RALGAPA2: variants seen among roughly 807,000 people sequenced by gnomAD.
RALGAPA2 encodes ral GTPase-activating protein subunit alpha-2.
A neutral mutation model predicts 230.4 loss-of-function variants in RALGAPA2; 139 were observed. That is an observed-to-expected ratio of 0.60 (90% CI 0.53 to 0.69). RALGAPA2 has a LOEUF of 0.69. Ranked by LOEUF, RALGAPA2 falls within the 30% of genes least tolerant of loss-of-function variation. The probability of loss-of-function intolerance (pLI) is 0.00; values close to 1 mark genes in which losing one functional copy is unlikely to be tolerated. For synonymous variants in RALGAPA2, 847 were observed against 837.8 expected (o/e 1.01, Z -0.19); for missense variants, 2,163 against 2,276.0 (o/e 0.95, Z 1.01).
chr20:20,492,599 C>G (rs886109565), intron 36 of RALGAPA2, among the ~76,000 whole-genome samples: 1 of 152,164 alleles, frequency 6.6e-6, no homozygotes, highest in Non-Finnish European at 1.5e-5. Context: ...TGCTGACTAG[C>G]TGTAATCTAA....
intron 39 of RALGAPA2, among the ~76,000 whole-genome samples, chr20:20,393,921 A>C (rs1410155952): frequency 6.6e-6 from 1 of 152,180 alleles, no homozygotes; most frequent in South Asian, 2.1e-4. Flanking sequence ...TTGCGGGTGG[A>C]GCTGGGTCTC....
intron 3 of RALGAPA2, among the ~76,000 whole-genome samples, chr20:20,662,197 G>C (rs1264712121): frequency 6.6e-6 from 1 of 152,014 alleles, no homozygotes; most frequent in East Asian, 1.9e-4. Context: ...ATCCCTCAAA[G>C]TAAGTGTTAC....
chr20:20,513,307 A>G, intron 31 of RALGAPA2, 23 bp from the exon 32 acceptor site: 1 of 1,418,876 alleles, frequency 7.0e-7, no homozygotes, highest in Non-Finnish European at 9.2e-7. Context: ...GTAAAGAAAC[A>G]TAAAGAGTCA....
At chr20:20,666,916 G>A (rs891901795) in intron 3 of RALGAPA2, among the ~76,000 whole-genome samples, 1 of 151,998 alleles carries the variant, frequency 6.6e-6, no homozygotes, top group African/African-American at 2.4e-5. Context: ...GCAGGGGTGG[G>A]GGGAGGAAAA....
chr20:20,690,993 T>C (rs959440138), intron 1 of RALGAPA2, among the ~76,000 whole-genome samples: 2 of 152,302 alleles, frequency 1.3e-5, no homozygotes, highest in East Asian at 3.9e-4. Flanking sequence ...AACATTTATA[T>C]ATATGATGCC....
At chr20:20,488,454 T>C (rs1002075348) in intron 36 of RALGAPA2, among the ~76,000 whole-genome samples, 8 of 152,254 alleles carry the variant, frequency 5.3e-5, no homozygotes, top group African/African-American at 1.9e-4. Context: ...CAGAGGTTTC[T>C]GCTCCTGGGC....
intron 36 of RALGAPA2, among the ~76,000 whole-genome samples, chr20:20,494,436 A>G (rs1294338255): frequency 6.6e-6 from 1 of 152,260 alleles, no homozygotes; most frequent in East Asian, 1.9e-4. Context: ...AAGTCGCTAC[A>G]TAAAGCATGG....
Position 20,676,298 on chromosome 20 carries a change from T to TA in RALGAPA2, c.218-11dup, listed in dbSNP as rs1258885694. 2 of 1,541,230 alleles carry TA rather than the reference T, an allele frequency of 1.3e-6. No homozygotes were observed. The highest frequency in any genetic ancestry group is 4.5e-5 in the East Asian group (2 of 44,370). ...TGTGACTTATTATTCCCTGGAATATTAAAAAATAATTAGTTATCATGACAT... is the reference window on the plus strand; with the variant it reads ...TGTGACTTATTATTCCCTGGAATATTAAAAAAATAATTAGTTATCATGACAT... On this transcript the variant is annotated splice_polypyrimidine_tract_variant and intron_variant, in intron 2 of 39. Coordinates refer to ENST00000202677, the MANE Select transcript of RALGAPA2 (RefSeq NM_020343.4).
chr20:20,642,224 G>A (rs2067064447), intron 5 of RALGAPA2, among the ~76,000 whole-genome samples: 1 of 151,354 alleles, frequency 6.6e-6, no homozygotes, highest in Non-Finnish European at 1.5e-5. Flanking sequence ...TGAGGCAGGG[G>A]TCGGGGGATG....
At position 20,526,266 on chromosome 20, in the gene RALGAPA2, G is replaced by T; in HGVS notation, c.3679C>A (p.Arg1227=). The change falls in exon 28 of 40, where the codon CGG becomes AGG. Residue 1227 remains arginine, a synonymous_variant. Transcript: ENST00000202677. ...KLQMFETSLP[R]KMAEILVATV... is the part of the protein sequence containing the mutation. ...AAAAGACTTACTTCTGCCATTTTCCGAGGCAGAGAGGTTTCAAACATCTGA... is the reference window on the plus strand; with the variant it reads ...AAAAGACTTACTTCTGCCATTTTCCTAGGCAGAGAGGTTTCAAACATCTGA... 1 of 1,597,042 alleles carries T rather than the reference G, an allele frequency of 6.3e-7. No homozygotes were observed. The highest frequency in any genetic ancestry group is 8.6e-7 in the Non-Finnish European group (1 of 1,168,838).
At chr20:20,656,753 T>C (rs1218873361) in intron 3 of RALGAPA2, among the ~76,000 whole-genome samples, 1 of 152,122 alleles carries the variant, frequency 6.6e-6, no homozygotes, top group Non-Finnish European at 1.5e-5. Context: ...AACATCCCCA[T>C]GGGCACATAG....
chr20:20,593,842 T>C (rs563130718), intron 16 of RALGAPA2, among the ~76,000 whole-genome samples: 4 of 152,168 alleles, frequency 2.6e-5, no homozygotes, highest in Non-Finnish European at 5.9e-5. Flanking sequence ...GCTTCCAAAT[T>C]AGAGCGTCCC....
chr20:20,515,944 C>G (rs544705533), intron 31 of RALGAPA2, among the ~76,000 whole-genome samples: 1 of 152,160 alleles, frequency 6.6e-6, no homozygotes, highest in Admixed American at 6.5e-5. Flanking sequence ...TTATGGCCTG[C>G]GGCAGATCTG....
At chr20:20,468,971 G>T (rs1042798972) in intron 37 of RALGAPA2, among the ~76,000 whole-genome samples, 1 of 151,380 alleles carries the variant, frequency 6.6e-6, no homozygotes, top group African/African-American at 2.4e-5. Context: ...GTTTGTGTGT[G>T]TGTGTGTGTG....
intron 1 of RALGAPA2, among the ~76,000 whole-genome samples, chr20:20,694,135 CG>C (rs2069019061): frequency 6.6e-6 from 1 of 150,726 alleles, no homozygotes; most frequent in Non-Finnish European, 1.5e-5. Context: ...AAAAAGATAC[CG>C]TAACTTTAAA....
intron 37 of RALGAPA2, among the ~76,000 whole-genome samples, chr20:20,433,950 T>C (rs2060552405): frequency 6.6e-6 from 1 of 152,182 alleles, no homozygotes; most frequent in African/African-American, 2.4e-5. Flanking sequence ...TTAACAGCCA[T>C]GTAGATGAAG....
chr20:20,442,745 C>T (rs1398735626), intron 37 of RALGAPA2, among the ~76,000 whole-genome samples: 2 of 152,224 alleles, frequency 1.3e-5, no homozygotes, highest in Non-Finnish European at 2.9e-5. Flanking sequence ...TGATGACAAG[C>T]AGACACTCTT....
At chr20:20,666,779 T>C (rs908300138) in intron 3 of RALGAPA2, among the ~76,000 whole-genome samples, 23 of 152,200 alleles carry the variant, frequency 1.5e-4, no homozygotes, top group African/African-American at 5.5e-4. Flanking sequence ...ACACCGAGCC[T>C]GAATCTGTTG....
intron 18 of RALGAPA2, among the ~76,000 whole-genome samples, chr20:20,586,616 ACAAG>A (rs946323023): frequency 2.0e-5 from 3 of 152,222 alleles, no homozygotes; most frequent in African/African-American, 7.2e-5. Context: ...AATCACAAAA[ACAAG>A]CAAGCAACAA....
Sources: gnomAD v4.1 joint callset for allele counts (sites outside exome capture counted in the v4.1 genomes callset) on GRCh38, gnomAD v4.1.1 for gene constraint, MANE v1.5 for transcripts, NCBI Gene and HGNC (gene_info 2026-07-23, HGNC 2026-07-21) for gene names.